HIVEP2: variants seen among roughly 807,000 people sequenced by gnomAD.
HIVEP2 encodes transcription factor HIVEP2.
In HIVEP2, 14 loss-of-function variants were observed where a neutral mutation model predicts 180.7. That is an observed-to-expected ratio of 0.08 (90% CI 0.05 to 0.12). HIVEP2 has a LOEUF of 0.12. HIVEP2 is among the 10% of genes least tolerant of loss of function. HIVEP2 has a pLI of 1.00. For synonymous variants in HIVEP2, 1,184 were observed against 1,136.4 expected, an observed-to-expected ratio of 1.04 and a Z score of -0.84; for missense variants, 2,579 against 3,008.5, an observed-to-expected ratio of 0.86 and a Z score of 3.34.
intron 2 of HIVEP2, among the ~76,000 whole-genome samples, chr6:142,785,329 AAAAAAAAAAAAAAAAAAG>A (rs1775970175): frequency 6.9e-6 from 1 of 145,458 alleles, no homozygotes; most frequent in Non-Finnish European, 1.5e-5. Context: ...AAAAAAAAAA[AAAAAAAAAAAAAAAAAAG>A]AAGAAGAAGA....
intron 3 of HIVEP2, 84 bp from the exon 4 acceptor site, chr6:142,776,275 A>T (rs1158897147): frequency 6.6e-6 from 1 of 152,478 alleles, no homozygotes; most frequent in African/African-American, 2.4e-5. Flanking sequence ...TCCAATTTCC[A>T]GTTCATTATA....
At chr6:142,783,239 A>T (rs1296295032) in intron 3 of HIVEP2, among the ~76,000 whole-genome samples, 1 of 149,666 alleles carries the variant, frequency 6.7e-6, no homozygotes, top group Non-Finnish European at 1.5e-5. Context: ...GAGGCAGAAG[A>T]ATCACTTGAA....
intron 2 of HIVEP2, among the ~76,000 whole-genome samples, chr6:142,802,749 T>C (rs1776445152): frequency 1.3e-5 from 2 of 152,016 alleles, no homozygotes; most frequent in South Asian, 2.1e-4. Flanking sequence ...GAGAAGAGAA[T>C]CATGAACAGA....
chr6:142,864,725 A>G (rs1776092358), intron 1 of HIVEP2, among the ~76,000 whole-genome samples: 1 of 152,138 alleles, frequency 6.6e-6, no homozygotes, highest in Non-Finnish European at 1.5e-5. Flanking sequence ...CATTCTACTC[A>G]TCCTCCAAAA....
At chr6:142,789,528 T>A (rs9376707) in intron 2 of HIVEP2, among the ~76,000 whole-genome samples, 3,459 of 152,310 alleles carry the variant, frequency 0.023, 125 homozygotes, top group East Asian at 0.15. Context: ...TTTAGGGCTA[T>A]GGAATAATTT....
intron 2 of HIVEP2, among the ~76,000 whole-genome samples, chr6:142,786,715 T>A (rs576888310): frequency 6.6e-6 from 1 of 152,220 alleles, no homozygotes; most frequent in Non-Finnish European, 1.5e-5. Context: ...ATAGACATTT[T>A]AAAAATACCC....
At chr6:142,819,971 T>C (rs1032482147) in intron 2 of HIVEP2, among the ~76,000 whole-genome samples, 1 of 152,044 alleles carries the variant, frequency 6.6e-6, no homozygotes, top group Non-Finnish European at 1.5e-5. Flanking sequence ...AGCAGAAAAA[T>C]GCAAATCTGT....
Position 142,770,556 on chromosome 6 carries a change from G to A in HIVEP2, c.4183C>T (p.Leu1395=). 1 of 1,614,212 alleles carries A rather than the reference G, an allele frequency of 6.2e-7. No individual in the cohort carries two copies. Among genetic ancestry groups the A allele is most frequent in the Non-Finnish European group, 8.5e-7 (1 of 1,180,044 alleles). ...TTCTCCAAGCCCGCATGCTGCCCCA[G>A]CACCTGGGCAATGTTGAATCCTATC... is the stretch of plus-strand genomic sequence containing the variant. ...QGIGFNIAQV[L]GQHAGLEKYP... Residue 1395 remains leucine, a synonymous_variant, in exon 5 of 10, where the codon CTG becomes TTG. Coordinates refer to ENST00000367603, the MANE Select transcript of HIVEP2 (RefSeq NM_006734.4). The surrounding 1 kb of genome is among the most constrained non-coding windows in gnomAD (Gnocchi z 4.7).
At chr6:142,823,231 A>AT (rs1417384010) in intron 2 of HIVEP2, among the ~76,000 whole-genome samples, 5 of 152,180 alleles carry the variant, frequency 3.3e-5, no homozygotes. Context: ...GGTCCTTGTC[A>AT]TGGGTCCCAC....
chr6:142,852,298 G>A (rs140095788), intron 1 of HIVEP2, among the ~76,000 whole-genome samples: 38 of 151,860 alleles, frequency 2.5e-4, no homozygotes, highest in South Asian at 4.2e-4. Context: ...GTAGCATTTC[G>A]CTTTTTTTAA....
chr6:142,847,934 C>T (rs984093431), intron 1 of HIVEP2, among the ~76,000 whole-genome samples: 2 of 152,158 alleles, frequency 1.3e-5, no homozygotes, highest in African/African-American at 4.8e-5. Flanking sequence ...CAAAAGGAAA[C>T]ACAGTTATAT....
intron 1 of HIVEP2, among the ~76,000 whole-genome samples, chr6:142,859,469 AAAAAG>A (rs1775912044): frequency 6.6e-6 from 1 of 151,802 alleles, no homozygotes; most frequent in Non-Finnish European, 1.5e-5. Context: ...TCAAAAAAAA[AAAAAG>A]AAAGAAAGAA....
chr6:142,914,450 T>C (rs1777499660), intron 1 of HIVEP2, among the ~76,000 whole-genome samples: 1 of 152,142 alleles, frequency 6.6e-6, no homozygotes, highest in Admixed American at 6.5e-5. Flanking sequence ...AGAATAGCGG[T>C]TGGTCTTGAG....
chr6:142,821,021 G>A (rs1175764403), intron 2 of HIVEP2, among the ~76,000 whole-genome samples: 4 of 152,150 alleles, frequency 2.6e-5, no homozygotes, highest in African/African-American at 9.6e-5. Flanking sequence ...TGCCAATGTT[G>A]CTGACAAGAA....
intron 1 of HIVEP2, among the ~76,000 whole-genome samples, chr6:142,875,314 G>C (rs1430588330): frequency 6.6e-6 from 1 of 152,138 alleles, no homozygotes; most frequent in East Asian, 1.9e-4. Context: ...AGGCCATTAT[G>C]ACTGGAACCT....
intron 1 of HIVEP2, among the ~76,000 whole-genome samples, chr6:142,907,856 T>C (rs1369305724): frequency 6.6e-6 from 1 of 152,238 alleles, no homozygotes; most frequent in African/African-American, 2.4e-5. Context: ...ACTTTAAACA[T>C]ATCTAAAGTC....
At chr6:142,793,673 T>TTTTTTTTTCTTTCTTTCTTTCTCTC (rs1776207385) in intron 2 of HIVEP2, among the ~76,000 whole-genome samples, 4 of 107,496 alleles carry the variant, frequency 3.7e-5, no homozygotes, top group East Asian at 3.3e-4. Context: ...CTTTCTTTCT[T>TTTTTTTTTCTTTCTTTCTTTCTCTC]TCTCTCTCTC....
At chr6:142,762,631 A>G (rs1775279091) in intron 7 of HIVEP2, among the ~76,000 whole-genome samples, 1 of 152,204 alleles carries the variant, frequency 6.6e-6, no homozygotes, top group South Asian at 2.1e-4. Context: ...GCAATGTACC[A>G]ACAAATACTT....
chr6:142,768,088 A>G (rs1775419239), intron 6 of HIVEP2, among the ~76,000 whole-genome samples: 1 of 152,380 alleles, frequency 6.6e-6, no homozygotes, highest in South Asian at 2.1e-4. Flanking sequence ...GAACAAACTT[A>G]GATGACATCA....
Sources: allele counts gnomAD v4.1 joint callset (sites outside exome capture counted in the v4.1 genomes callset), GRCh38; gene constraint gnomAD v4.1.1; non-coding constraint Gnocchi (gnomAD v3.1); transcripts MANE v1.5; gene names NCBI Gene and HGNC (gene_info 2026-07-23, HGNC 2026-07-21).